NEBL: variants seen among roughly 807,000 people sequenced by gnomAD.
NEBL encodes the protein LIM and SH3 protein 2.
In NEBL, 122 loss-of-function variants were observed where a neutral mutation model predicts 140.2. That is an observed-to-expected ratio of 0.87 (90% CI 0.75 to 1.01). The LOEUF is 1.01. Ranked by LOEUF, NEBL falls within the 50% of genes least tolerant of loss-of-function variation. The pLI, the probability that NEBL is intolerant of heterozygous loss-of-function variation, is 0.00. For missense variants in NEBL, 1,365 were observed against 1,231.3 expected, an observed-to-expected ratio of 1.11 and a Z score of -1.62; for synonymous variants, 436 against 398.9, an observed-to-expected ratio of 1.09 and a Z score of -1.11.
At chr10:20,907,167 A>AT (rs1424575261) in intron 4 of NEBL, among the ~76,000 whole-genome samples, 1 of 152,162 alleles carries the variant, frequency 6.6e-6, no homozygotes, top group East Asian at 1.9e-4. Flanking sequence ...TTAAAATTAC[A>AT]TTTAAGATAA....
chr10:21,182,877 C>G (rs1841408176), intron 3 of NEBL, among the ~76,000 whole-genome samples: 1 of 152,188 alleles, frequency 6.6e-6, no homozygotes, highest in Admixed American at 6.5e-5. Flanking sequence ...CATTGGCTTT[C>G]TCATACTAAT....
intron 4 of NEBL, among the ~76,000 whole-genome samples, chr10:20,961,184 C>A (rs45588131): frequency 3.1e-3 from 469 of 152,236 alleles, no homozygotes; most frequent in Non-Finnish European, 5.4e-3. Context: ...TATTAATAAA[C>A]AAGGCACAGC....
chr10:21,241,247 A>AATAT (rs1348755223), intron 3 of NEBL, among the ~76,000 whole-genome samples: 1 of 123,852 alleles, frequency 8.1e-6, no homozygotes, highest in African/African-American at 2.9e-5. Flanking sequence ...ATGCCAGCAA[A>AATAT]ATAAATAAAT....
chr10:21,151,303 T>C (rs566268723), intron 2 of NEBL, among the ~76,000 whole-genome samples: 9 of 152,330 alleles, frequency 5.9e-5, no homozygotes, highest in Admixed American at 5.2e-4. Context: ...TCACCACTCA[T>C]GTGGTGAAAC....
chr10:21,051,750 G>A (rs1455229364), intron 2 of NEBL, among the ~76,000 whole-genome samples: 1 of 152,178 alleles, frequency 6.6e-6, no homozygotes, highest in East Asian at 1.9e-4. Context: ...CTAACTATAT[G>A]TTATCTACAG....
chr10:21,234,353 G>T (rs531486289), intron 3 of NEBL, among the ~76,000 whole-genome samples: 1 of 152,018 alleles, frequency 6.6e-6, no homozygotes, highest in East Asian at 1.9e-4. Flanking sequence ...ACCAGAGAGC[G>T]GGTTGTTTAA....
intron 4 of NEBL, among the ~76,000 whole-genome samples, chr10:20,953,593 G>A (rs1482959935): frequency 6.7e-6 from 1 of 149,636 alleles, no homozygotes; most frequent in Non-Finnish European, 1.5e-5. Flanking sequence ...GGAAGTCCTG[G>A]CATTTGTAAT....
At chr10:21,026,684 CTA>C (rs1833512519) in intron 2 of NEBL, among the ~76,000 whole-genome samples, 1 of 152,174 alleles carries the variant, frequency 6.6e-6, no homozygotes, top group African/African-American at 2.4e-5. Flanking sequence ...GAATTTGTTG[CTA>C]TATGATGATT....
At chr10:21,144,975 T>C (rs1003984565) in intron 2 of NEBL, among the ~76,000 whole-genome samples, 1 of 146,236 alleles carries the variant, frequency 6.8e-6, no homozygotes, top group African/African-American at 2.5e-5. Flanking sequence ...AAAAAAGATA[T>C]CTCTCCAAGC....
chr10:21,111,638 T>A (rs1018132598), intron 2 of NEBL, among the ~76,000 whole-genome samples: 2 of 150,650 alleles, frequency 1.3e-5, no homozygotes, highest in African/African-American at 5.0e-5. Context: ...ATAAAAATCC[T>A]AGAAGAAAAC....
At chr10:20,895,831 A>G (rs1210680905) in intron 2 of NEBL, among the ~76,000 whole-genome samples, 1 of 152,218 alleles carries the variant, frequency 6.6e-6, no homozygotes, top group Non-Finnish European at 1.5e-5. Flanking sequence ...TAACAGACAG[A>G]GTAGTTAATA....
intron 2 of NEBL, among the ~76,000 whole-genome samples, chr10:21,073,617 CAAAAAAAA>C (rs10594967): frequency 1.3e-5 from 1 of 76,432 alleles, no homozygotes. Context: ...ACTCTGTCGT[CAAAAAAAA>C]AAAAAAAAAA....
At chr10:20,803,754 G>T (rs1170886093) in intron 26 of NEBL, among the ~76,000 whole-genome samples, 1 of 149,748 alleles carries the variant, frequency 6.7e-6, no homozygotes, top group African/African-American at 2.5e-5. Context: ...TTTCAAAGGG[G>T]ACCCTAAATT....
chr10:21,040,010 G>T (rs1834197363), intron 2 of NEBL, among the ~76,000 whole-genome samples: 1 of 152,164 alleles, frequency 6.6e-6, no homozygotes, highest in South Asian at 2.1e-4. Flanking sequence ...GAATATTTTT[G>T]AAATACCAAC....
chr10:21,085,811 A>G (rs909784392), intron 2 of NEBL, among the ~76,000 whole-genome samples: 1 of 152,214 alleles, frequency 6.6e-6, no homozygotes, highest in African/African-American at 2.4e-5. Flanking sequence ...ACCTCATGGC[A>G]ACAGGACAAA....
intron 4 of NEBL, among the ~76,000 whole-genome samples, chr10:20,951,816 A>G (rs2131594999): frequency 6.6e-6 from 1 of 152,324 alleles, no homozygotes; most frequent in Middle Eastern, 3.4e-3. Context: ...ATGTCCCAAA[A>G]GGTATAATAA....
chr10:20,836,140 T>C (rs1374992744), intron 13 of NEBL, among the ~76,000 whole-genome samples: 1 of 152,116 alleles, frequency 6.6e-6, no homozygotes, highest in Non-Finnish European at 1.5e-5. Context: ...ATCGGTGCTA[T>C]TTTTCCAACA....
chr10:20,787,159 T>G (rs1835483182), intron 27 of NEBL, 43 bp downstream of exon 27: 1 of 1,410,248 alleles, frequency 7.1e-7, no homozygotes, highest in African/African-American at 1.4e-5. Context: ...TGAGGGGAAA[T>G]GGGAAGACCA....
At chr10:21,198,675 T>TTATTGCC (rs1239865640) in intron 3 of NEBL, among the ~76,000 whole-genome samples, 32 of 152,236 alleles carry the variant, frequency 2.1e-4, no homozygotes, top group African/African-American at 7.2e-4. Context: ...CATTGCTAGG[T>TTATTGCC]TACTTGCCTA....
Sources: allele counts gnomAD v4.1 joint callset (sites outside exome capture counted in the v4.1 genomes callset), GRCh38; gene constraint gnomAD v4.1.1; transcripts MANE v1.5; gene names NCBI Gene and HGNC (gene_info 2026-07-23, HGNC 2026-07-21).